Variants in SH3PXD2B observed in about 807,000 individuals in gnomAD.
SH3PXD2B encodes the protein SH3 and PX domain-containing protein 2B.
SH3PXD2B carries 37 observed loss-of-function variants against 73.1 expected under a neutral mutation model. The observed-to-expected ratio is 0.51, with a 90% CI of 0.39 to 0.67. The LOEUF (loss-of-function observed/expected upper bound fraction) is 0.67, where lower values mean the gene tolerates loss of function less well. Ranked by LOEUF, SH3PXD2B falls within the 30% of genes least tolerant of loss-of-function variation. The pLI is 0.00. For missense variants in SH3PXD2B, 1,053 were observed against 1,197.8 expected (o/e 0.88, Z 1.78); for synonymous variants, 457 against 480.5 (o/e 0.95, Z 0.64).
chr5:172,327,234 C>T (rs891958381), intron 12 of SH3PXD2B, among the ~76,000 whole-genome samples: 1 of 152,058 alleles, frequency 6.6e-6, no homozygotes, highest in African/African-American at 2.4e-5. Context: ...GAAGGGCCTA[C>T]TATGTGCTAG....
intron 1 of SH3PXD2B, among the ~76,000 whole-genome samples, chr5:172,438,450 C>T (rs2731687): frequency 0.34 from 51,241 of 151,926 alleles, 9,205 homozygotes; most frequent in Non-Finnish European, 0.42. Context: ...AGGAAATGCC[C>T]GGTAAAAGAG....
intron 4 of SH3PXD2B, among the ~76,000 whole-genome samples, chr5:172,386,591 A>AT (rs1554138320): frequency 6.6e-6 from 1 of 151,668 alleles, no homozygotes; most frequent in Admixed American, 6.6e-5. Flanking sequence ...TATTGTTTTT[A>AT]TTTTTATGGC....
In SH3PXD2B at chr5:172,335,675, T is replaced by C; in HGVS notation, c.*2694A>G. 2.4e-6 allele frequency: 3 copies of C among 1,231,758 alleles called. No individual in the cohort carries two copies. The highest frequency in any genetic ancestry group is 3.0e-6 in the Non-Finnish European group (3 of 987,982). 76.3% of individuals were successfully genotyped at this position (1,231,758 alleles called of 1,614,324 possible). On this transcript the variant is annotated 3_prime_UTR_variant, in exon 13 of 13. Coordinates refer to ENST00000311601, the MANE Select transcript of SH3PXD2B (RefSeq NM_001017995.3). ...GCCATGACTCCAGGGGAGTTCTGCA[T>C]ATGCGCCATCAATCGCTCACAGAAT...
chr5:172,438,539 A>G lies in SH3PXD2B; in HGVS notation c.75+15739T>C, dbSNP rs191359139. Reference sequence around the variant, plus strand: ...GGCTCTCTGTGTCCAGAGAGTAACAATGCTCGTGAAATAGCTGAATGAACA... The same window carrying G: ...GGCTCTCTGTGTCCAGAGAGTAACAGTGCTCGTGAAATAGCTGAATGAACA... On this transcript the variant is annotated intron_variant, in intron 1 of 12. Coordinates refer to ENST00000311601, the MANE Select transcript of SH3PXD2B (RefSeq NM_001017995.3). 2.5e-4 allele frequency among the ~76,000 whole-genome samples: 38 copies of G among 152,314 alleles called. No homozygotes were observed. In the East Asian group the frequency reaches 7.1e-3, roughly 29 times the overall value.
At chr5:172,440,892 G>T (rs916856745) in intron 1 of SH3PXD2B, among the ~76,000 whole-genome samples, 4 of 152,074 alleles carry the variant, frequency 2.6e-5, no homozygotes, top group African/African-American at 7.2e-5. Flanking sequence ...CTGTAAAAGG[G>T]GGGTGCTAAG....
At chr5:172,408,324 G>A (rs1022599336) in intron 2 of SH3PXD2B, among the ~76,000 whole-genome samples, 4 of 151,722 alleles carry the variant, frequency 2.6e-5, no homozygotes. Flanking sequence ...CTGGAGTGCG[G>A]TGGCACAATC....
chr5:172,409,618 T>G (rs1036521822), intron 2 of SH3PXD2B, among the ~76,000 whole-genome samples: 3 of 152,246 alleles, frequency 2.0e-5, no homozygotes, highest in Non-Finnish European at 4.4e-5. Flanking sequence ...TGTCCTCCAG[T>G]GGCATCTATG....
At chr5:172,402,120 GAA>G (rs1186904917) in intron 3 of SH3PXD2B, among the ~76,000 whole-genome samples, 1 of 152,182 alleles carries the variant, frequency 6.6e-6, no homozygotes, top group East Asian at 1.9e-4. Flanking sequence ...ACAGCCCTGA[GAA>G]AGAGAATGCA....
At chr5:172,329,772 C>T (rs1756522317), downstream of SH3PXD2B, among the ~76,000 whole-genome samples, 4 of 151,764 alleles carry the variant, frequency 2.6e-5, no homozygotes, top group Middle Eastern at 3.4e-3. Context: ...CTCCTGACCT[C>T]GTGATCCGCC....
At chr5:172,447,522 A>G (rs966865129) in intron 1 of SH3PXD2B, among the ~76,000 whole-genome samples, 1 of 152,196 alleles carries the variant, frequency 6.6e-6, no homozygotes, top group Non-Finnish European at 1.5e-5. Flanking sequence ...CCTCAATTAC[A>G]TGCTAGGCCC....
At chr5:172,340,843 C>A (rs1358809177) in intron 12 of SH3PXD2B, among the ~76,000 whole-genome samples, 1 of 152,198 alleles carries the variant, frequency 6.6e-6, no homozygotes, top group African/African-American at 2.4e-5. Context: ...GATCTGCCTG[C>A]CTCGGCCTCC....
At chr5:172,390,944 C>T (rs915072894) in intron 4 of SH3PXD2B, among the ~76,000 whole-genome samples, 4 of 151,960 alleles carry the variant, frequency 2.6e-5, no homozygotes, top group Admixed American at 6.6e-5. Context: ...CGGGTTCAAG[C>T]GATTCTCCTG....
chr5:172,331,553 G>A (rs1196337512), downstream of SH3PXD2B, among the ~76,000 whole-genome samples: 3 of 152,324 alleles, frequency 2.0e-5, no homozygotes, highest in East Asian at 1.9e-4. Context: ...TTGGAGAAGC[G>A]TGCCCCCGTG....
Position 172,335,311 on chromosome 5 carries a change from G to C in SH3PXD2B, c.*3058C>G, listed in dbSNP as rs1385826451. ...GTGACCTACTGAAATGTGTGAGCAA[G>C]GGGCGGGGGGAAGAGGCACCGAAAT... On this transcript the variant is annotated 3_prime_UTR_variant, in exon 13 of 13. Coordinates refer to ENST00000311601, the MANE Select transcript of SH3PXD2B (RefSeq NM_001017995.3). 8.5e-7 allele frequency: 1 copy of C among 1,171,218 alleles called. No homozygotes were observed. The highest frequency in any genetic ancestry group is 1.1e-6 in the Non-Finnish European group (1 of 950,342). 72.6% of individuals were successfully genotyped at this position (1,171,218 alleles called of 1,614,324 possible). A position where few individuals can be genotyped will look rare whatever the true frequency, so the allele number is the denominator to read the frequency against.
At chr5:172,377,986 T>G (rs983490241) in intron 5 of SH3PXD2B, among the ~76,000 whole-genome samples, 1 of 150,132 alleles carries the variant, frequency 6.7e-6, no homozygotes, top group East Asian at 1.9e-4. Context: ...GGCTGAGAGC[T>G]CCTGTCCTGC....
At chr5:172,436,960 T>C (rs1362486818) in intron 1 of SH3PXD2B, among the ~76,000 whole-genome samples, 1 of 152,174 alleles carries the variant, frequency 6.6e-6, no homozygotes, top group Non-Finnish European at 1.5e-5. Context: ...GGCAGCTAGC[T>C]GTTAAGAAGG....
chr5:172,385,431 G>A (rs1490945415), intron 4 of SH3PXD2B, among the ~76,000 whole-genome samples: 1 of 152,214 alleles, frequency 6.6e-6, no homozygotes, highest in Non-Finnish European at 1.5e-5. Context: ...GCTTGGTCTA[G>A]AGAGTCCAGG....
At chr5:172,343,768 A>G (rs1384816069) in intron 12 of SH3PXD2B, among the ~76,000 whole-genome samples, 1 of 151,888 alleles carries the variant, frequency 6.6e-6, no homozygotes, top group East Asian at 1.9e-4. Flanking sequence ...TCATGCCATT[A>G]CACTCTAGCC....
intron 1 of SH3PXD2B, among the ~76,000 whole-genome samples, chr5:172,437,743 CT>C (rs765308446): frequency 6.6e-6 from 1 of 152,216 alleles, no homozygotes; most frequent in Non-Finnish European, 1.5e-5. Flanking sequence ...CTTGTGGTGT[CT>C]TGCGTCAGAT....
Sources: allele counts gnomAD v4.1 joint callset (sites outside exome capture counted in the v4.1 genomes callset), GRCh38; gene constraint gnomAD v4.1.1; transcripts MANE v1.5; gene names NCBI Gene and HGNC (gene_info 2026-07-23, HGNC 2026-07-21).